AIG1: variants seen among roughly 807,000 people sequenced by gnomAD.
AIG1 encodes the protein androgen induced 1.
In AIG1, 23 loss-of-function variants were observed where a neutral mutation model predicts 31.4. That is an observed-to-expected ratio of 0.73 (90% confidence interval 0.53 to 1.04). AIG1 has a LOEUF of 1.04. AIG1 is among the 50% of genes least tolerant of loss of function. AIG1 has a pLI of 0.00. For missense variants in AIG1, 274 were observed against 295.0 expected, an observed-to-expected ratio of 0.93 and a Z score of 0.52; for synonymous variants, 100 against 110.5, an observed-to-expected ratio of 0.90 and a Z score of 0.60.
intron 3 of AIG1, among the ~76,000 whole-genome samples, chr6:143,273,687 G>A (rs1432596212): frequency 2.6e-5 from 4 of 152,186 alleles, no homozygotes; most frequent in East Asian, 1.9e-4. Flanking sequence ...ATGGTGGCAG[G>A]CAAGAGAGCA....
chr6:143,270,118 T>G (rs991942059), intron 3 of AIG1, among the ~76,000 whole-genome samples: 2 of 152,226 alleles, frequency 1.3e-5, no homozygotes, highest in African/African-American at 4.8e-5. Flanking sequence ...TACTGCAGAC[T>G]CCTATAGATG....
At chr6:143,313,684 TA>T (rs1171183318) in intron 4 of AIG1, among the ~76,000 whole-genome samples, 1 of 151,986 alleles carries the variant, frequency 6.6e-6, no homozygotes, top group Admixed American at 6.6e-5. Context: ...TAAAGATAAC[TA>T]AAAGAGTATA....
intron 2 of AIG1, among the ~76,000 whole-genome samples, chr6:143,145,862 A>G (rs902983280): frequency 6.6e-6 from 1 of 152,232 alleles, no homozygotes; most frequent in African/African-American, 2.4e-5. Flanking sequence ...AAGACTAATC[A>G]TGGACATTTT....
chr6:143,105,820 C>T (rs1330292244), intron 1 of AIG1, among the ~76,000 whole-genome samples: 1 of 152,218 alleles, frequency 6.6e-6, no homozygotes, highest in Non-Finnish European at 1.5e-5. Context: ...AGGCAGCCAA[C>T]TTCCACAATG....
At chr6:143,261,485 G>T (rs1006776994) in intron 3 of AIG1, among the ~76,000 whole-genome samples, 4 of 152,160 alleles carry the variant, frequency 2.6e-5, no homozygotes, top group African/African-American at 7.2e-5. Context: ...CTGAATTTGG[G>T]GGAGGTGTGT....
At position 143,327,531 on chromosome 6, in the gene AIG1, A is replaced by T; in HGVS notation, c.516-5751A>T. On this transcript the variant is annotated intron_variant, in intron 4 of 5. Transcript: ENST00000357847. The surrounding 1 kb of genome is among the most constrained non-coding windows in gnomAD (Gnocchi z 5.3). ...ATAAGGAATGTCCCATACTGTAACC[A>T]TGTGTGGTTGTCCAGAAAATATTCT... 2.6e-6 allele frequency: 1 copy of T among 385,942 alleles called. No homozygotes were observed. Among genetic ancestry groups the T allele is most frequent in the Admixed American group, 3.2e-5 (1 of 30,788 alleles). 23.9% of individuals were successfully genotyped at this position (385,942 alleles called of 1,614,324 possible).
downstream of AIG1, chr6:143,343,258 C>A (rs1777890819): frequency 1.5e-6 from 1 of 651,606 alleles, no homozygotes; most frequent in South Asian, 1.4e-5. Context: ...CTTGGGGGAG[C>A]TCTCTTTGGA....
chr6:143,125,765 T>G (rs1782637692), intron 1 of AIG1, among the ~76,000 whole-genome samples: 1 of 152,206 alleles, frequency 6.6e-6, no homozygotes, highest in Non-Finnish European at 1.5e-5. Context: ...TTAAAAGCAA[T>G]TATGTGATAT....
chr6:143,136,950 G>A lies in AIG1; in HGVS notation c.257G>A (p.Arg86Gln), dbSNP rs747949576. The A allele has an allele frequency of 1.9e-5, 29 of 1,510,548 alleles. No individual in the cohort carries two copies. The highest frequency in any genetic ancestry group is 9.7e-5 in the African/African-American group (7 of 72,222). 93.6% of individuals were successfully genotyped at this position (1,510,548 alleles called of 1,614,324 possible). A position where few individuals can be genotyped will look rare whatever the true frequency, so the allele number is the denominator to read the frequency against. The change falls in exon 2 of 6, where the codon CGG becomes CAG. Residue 86 changes from arginine to glutamine, a missense_variant. Transcript: ENST00000357847. ...ERQLKKLISL[R>Q]DWMLAVLAFP... is the part of the protein sequence containing the mutation. Reference sequence around the variant, plus strand: ...CAGCTCAAGAAGCTCATCTCTCTCCGGGACTGGATGTTAGCTGTGTTGGCC... The same window carrying A: ...CAGCTCAAGAAGCTCATCTCTCTCCAGGACTGGATGTTAGCTGTGTTGGCC...
chr6:143,224,238 C>A (rs137980991), intron 3 of AIG1, among the ~76,000 whole-genome samples: 2 of 152,230 alleles, frequency 1.3e-5, no homozygotes, highest in Non-Finnish European at 2.9e-5. Context: ...TAAGACCACA[C>A]ATCCAAACCG....
intron 3 of AIG1, among the ~76,000 whole-genome samples, chr6:143,179,345 C>A (rs1009668732): frequency 6.6e-6 from 1 of 152,178 alleles, no homozygotes; most frequent in Admixed American, 6.5e-5. Flanking sequence ...GCACACTTTT[C>A]TTGTGTGCAG....
At chr6:143,166,885 G>A (rs962943405) in intron 3 of AIG1, among the ~76,000 whole-genome samples, 14 of 152,152 alleles carry the variant, frequency 9.2e-5, no homozygotes, top group African/African-American at 3.1e-4. Context: ...GTAGAAGTGG[G>A]ATTTGAACCC....
chr6:143,289,276 C>T (rs1043950297), intron 4 of AIG1, among the ~76,000 whole-genome samples: 1 of 152,142 alleles, frequency 6.6e-6, no homozygotes, highest in Non-Finnish European at 1.5e-5. Context: ...TTCAGGACCT[C>T]CTATCTGTTA....
At chr6:143,209,784 G>A (rs943354717) in intron 3 of AIG1, among the ~76,000 whole-genome samples, 3 of 152,204 alleles carry the variant, frequency 2.0e-5, no homozygotes, top group Admixed American at 1.3e-4. Flanking sequence ...TAGAAAACTA[G>A]TACAATCATA....
chr6:143,065,307 A>C (rs1057335859), intron 1 of AIG1, among the ~76,000 whole-genome samples: 25 of 152,346 alleles, frequency 1.6e-4, no homozygotes, highest in Admixed American at 2.0e-4. Flanking sequence ...CTAGGTCTTT[A>C]CTATGAAGTA....
rs538403048 is a variant in AIG1 at position 143,205,338 on chromosome 6, G to T, written c.399+40155G>T. Reference sequence around the variant, plus strand: ...CTGTATGAGGGTGACAGTCTGGCAGGTATTCAAAGCTGCAGTGACCATGGC... The same window carrying T: ...CTGTATGAGGGTGACAGTCTGGCAGTTATTCAAAGCTGCAGTGACCATGGC... On this transcript the variant is annotated intron_variant, in intron 3 of 5. Coordinates refer to ENST00000357847, the MANE Select transcript of AIG1 (RefSeq NM_016108.4). Among the ~76,000 whole-genome samples, 252 of 152,312 alleles carry T rather than the reference G, an allele frequency of 1.7e-3. 1 individual carries two copies. The highest frequency in any genetic ancestry group is 3.0e-3 in the Non-Finnish European group (207 of 68,016).
rs185928555 is a variant in AIG1 at position 143,327,374 on chromosome 6, G to A, written c.516-5908G>A. The A allele has an allele frequency of 7.4e-5, 22 of 299,220 alleles. No individual in the cohort carries two copies. The highest frequency in any genetic ancestry group is 5.9e-4 in the East Asian group (6 of 10,210). 18.5% of individuals were successfully genotyped at this position (299,220 alleles called of 1,614,324 possible). ...ATACACCATCAACATTCACAAGCGCGTCCATGGAGTGGGCTTCAAGAAGTC... is the reference window on the plus strand; with the variant it reads ...ATACACCATCAACATTCACAAGCGCATCCATGGAGTGGGCTTCAAGAAGTC... On this transcript the variant is annotated intron_variant, in intron 4 of 5. Transcript: ENST00000357847. This position sits in a 1 kb window ranked among gnomAD's most constrained non-coding sequence, Gnocchi z 5.3.
chr6:143,099,392 T>C (rs1403782413), intron 1 of AIG1: 1 of 152,234 alleles, frequency 6.6e-6, no homozygotes, highest in Non-Finnish European at 1.5e-5. Flanking sequence ...CAGGGATTAT[T>C]AAAAAGTTAA....
chr6:143,107,838 T>C (rs927634380), intron 1 of AIG1, among the ~76,000 whole-genome samples: 1 of 152,220 alleles, frequency 6.6e-6, no homozygotes, highest in Non-Finnish European at 1.5e-5. Context: ...TTCATTTATC[T>C]TTTGTGTGTT....
Sources: allele counts gnomAD v4.1 joint callset (sites outside exome capture counted in the v4.1 genomes callset), GRCh38; gene constraint gnomAD v4.1.1; non-coding constraint Gnocchi (gnomAD v3.1); transcripts MANE v1.5; gene names NCBI Gene and HGNC (gene_info 2026-07-23, HGNC 2026-07-21).